Variants in SLC44A5 observed in about 807,000 individuals in gnomAD.
SLC44A5 encodes solute carrier family 44 member 5.
Under a neutral mutation model 101.8 loss-of-function variants are expected in SLC44A5, and 57 were observed. That is an observed-to-expected ratio of 0.56 (90% confidence interval 0.45 to 0.70). The LOEUF is 0.70. SLC44A5 is among the 30% of genes least tolerant of loss of function. The pLI is 0.00. For missense variants in SLC44A5, 737 were observed against 853.1 expected (o/e 0.86, Z 1.70); for synonymous variants, 281 against 290.9 (o/e 0.97, Z 0.35).
the SLC44A5 span, among the ~76,000 whole-genome samples, chr1:75,696,879 ACT>A: frequency 1.3e-5 from 2 of 150,750 alleles, no homozygotes; most frequent in African/African-American, 4.9e-5. Flanking sequence ...ACAGAGCGAG[ACT>A]CTGTCTCAGA....
chr1:75,512,316 C>T (rs928843571), intron 2 of SLC44A5, among the ~76,000 whole-genome samples: 10 of 152,146 alleles, frequency 6.6e-5, no homozygotes, highest in Admixed American at 5.2e-4. Context: ...CAAGTTTACT[C>T]CGAGCCGAAG....
intron 13 of SLC44A5, among the ~76,000 whole-genome samples, chr1:75,224,846 T>A (rs1647164510): frequency 6.6e-6 from 1 of 151,892 alleles, no homozygotes; most frequent in South Asian, 2.1e-4. Context: ...TTTGTACAGC[T>A]GTTTGTATAC....
chr1:75,252,718 AG>A, intron 6 of SLC44A5, among the ~76,000 whole-genome samples: 1 of 152,346 alleles, frequency 6.6e-6, no homozygotes, highest in Middle Eastern at 3.4e-3. Flanking sequence ...CCATTTGAGC[AG>A]GGAGAAATGA....
intron 2 of SLC44A5, among the ~76,000 whole-genome samples, chr1:75,434,810 C>T (rs1057218956): frequency 6.6e-6 from 1 of 152,114 alleles, no homozygotes; most frequent in African/African-American, 2.4e-5. Flanking sequence ...TGAAATCCTA[C>T]TCAACTTTTA....
At chr1:75,418,781 A>T (rs1663820364) in intron 2 of SLC44A5, among the ~76,000 whole-genome samples, 1 of 152,234 alleles carries the variant, frequency 6.6e-6, no homozygotes, top group African/African-American at 2.4e-5. Context: ...TTTTGAAAAG[A>T]TCAGTTATTT....
chr1:75,616,105 C>T (rs926671948), upstream of SLC44A5, among the ~76,000 whole-genome samples: 18 of 152,038 alleles, frequency 1.2e-4, no homozygotes, highest in East Asian at 3.3e-3. Flanking sequence ...CCGCTGGCCC[C>T]CCTCTTGCGC....
At chr1:75,428,647 G>C (rs574412419) in intron 2 of SLC44A5, among the ~76,000 whole-genome samples, 6 of 152,218 alleles carry the variant, frequency 3.9e-5, no homozygotes, top group African/African-American at 1.4e-4. Flanking sequence ...GGCATCCCCA[G>C]TACAAGCACC....
intron 2 of SLC44A5, among the ~76,000 whole-genome samples, chr1:75,448,254 G>C (rs1325382895): frequency 6.6e-6 from 1 of 152,166 alleles, no homozygotes; most frequent in Non-Finnish European, 1.5e-5. Flanking sequence ...TCTGGGCTTT[G>C]TCTATCTTGT....
intron 4 of SLC44A5, among the ~76,000 whole-genome samples, chr1:75,318,245 C>T (rs756744737): frequency 2.6e-5 from 4 of 151,976 alleles, no homozygotes; most frequent in Non-Finnish European, 4.4e-5. Flanking sequence ...CACAGGGTCA[C>T]GCACACCTGT....
At chr1:75,637,992 G>A in the SLC44A5 span, among the ~76,000 whole-genome samples, 8 of 152,082 alleles carry the variant, frequency 5.3e-5, no homozygotes, top group Admixed American at 5.3e-4. Flanking sequence ...ATCCGCCTAT[G>A]CAGTTGACAT....
intron 2 of SLC44A5, among the ~76,000 whole-genome samples, chr1:75,397,959 A>G (rs1176268510): frequency 6.6e-6 from 1 of 152,202 alleles, no homozygotes; most frequent in African/African-American, 2.4e-5. Context: ...AGGGACATAC[A>G]GGTTTCACAC....
chr1:75,546,022 A>G (rs1357666303), intron 1 of SLC44A5, among the ~76,000 whole-genome samples: 4 of 151,708 alleles, frequency 2.6e-5, no homozygotes, highest in African/African-American at 7.3e-5. Context: ...GGGTCTCCCT[A>G]TGTTACCCAA....
the SLC44A5 span, among the ~76,000 whole-genome samples, chr1:75,658,141 C>T: frequency 5.3e-5 from 8 of 152,234 alleles, no homozygotes; most frequent in South Asian, 4.2e-4. Context: ...CCTAGACCAA[C>T]ACAGCTCACT....
chr1:75,374,812 A>G (rs1416227698), intron 3 of SLC44A5, among the ~76,000 whole-genome samples: 1 of 152,228 alleles, frequency 6.6e-6, no homozygotes, highest in Admixed American at 6.5e-5. Context: ...AGTACTATAC[A>G]CAACATACAC....
intron 2 of SLC44A5, among the ~76,000 whole-genome samples, chr1:75,516,701 G>A (rs902320728): frequency 8.5e-5 from 13 of 152,080 alleles, no homozygotes; most frequent in Non-Finnish European, 1.8e-4. Context: ...TCACCTACAG[G>A]TTCCCAGCAT....
the SLC44A5 span, among the ~76,000 whole-genome samples, chr1:75,623,172 CAAAT>C: frequency 1.3e-4 from 20 of 151,950 alleles, no homozygotes; most frequent in East Asian, 3.1e-3. Context: ...TAGAATTAAC[CAAAT>C]AAATAGATAA....
chr1:75,596,987 A>G (rs942274274), intron 1 of SLC44A5, among the ~76,000 whole-genome samples: 2 of 152,062 alleles, frequency 1.3e-5, no homozygotes, highest in African/African-American at 4.8e-5. Context: ...GGCATTCAAG[A>G]CCAGCCTGGG....
intron 2 of SLC44A5, among the ~76,000 whole-genome samples, chr1:75,518,888 T>C (rs1336681125): frequency 6.6e-6 from 1 of 152,292 alleles, no homozygotes; most frequent in East Asian, 1.9e-4. Flanking sequence ...CGAGATTTCT[T>C]GTTGGCATGA....
chr1:75,352,673 G>A (rs1002679419), intron 3 of SLC44A5, among the ~76,000 whole-genome samples: 2 of 152,086 alleles, frequency 1.3e-5, no homozygotes, highest in African/African-American at 4.8e-5. Context: ...CTTATACACT[G>A]CTAGTGAGAA....
Sources: allele counts gnomAD v4.1 joint callset (sites outside exome capture counted in the v4.1 genomes callset), GRCh38; gene constraint gnomAD v4.1.1; transcripts MANE v1.5; gene names NCBI Gene and HGNC (gene_info 2026-07-23, HGNC 2026-07-21).